SLC60A2: variants seen among roughly 807,000 people sequenced by gnomAD.
SLC60A2 encodes solute carrier family 60 member 2.
At chr6:111,265,292 G>A in the SLC60A2 span, 2 of 982,176 alleles carry the variant, frequency 2.0e-6, no homozygotes, top group South Asian at 4.7e-5. Flanking sequence ...AGCTCAAGAT[G>A]TGCTGCTTCT....
the SLC60A2 span, among the ~76,000 whole-genome samples, chr6:111,263,608 C>T: frequency 4.6e-5 from 7 of 152,092 alleles, no homozygotes; most frequent in African/African-American, 1.7e-4. Flanking sequence ...TGATTACTAG[C>T]AGTGCTTTAA....
chr6:111,265,933 C>T, the SLC60A2 span: 1 of 1,614,090 alleles, frequency 6.2e-7, no homozygotes, highest in Non-Finnish European at 8.5e-7. Context: ...CATATGCAGG[C>T]CTTACACTTC....
At chr6:111,272,203 A>T in the SLC60A2 span, among the ~76,000 whole-genome samples, 280 of 152,018 alleles carry the variant, frequency 1.8e-3, 1 homozygote, top group African/African-American at 6.6e-3. Context: ...GGGTTTTGCC[A>T]TGTTGGCCAG....
chr6:111,259,389 C>G, the SLC60A2 span: 8 of 373,816 alleles, frequency 2.1e-5, no homozygotes, highest in East Asian at 1.2e-4. Flanking sequence ...CGAAGTTCCT[C>G]TTCTCTGCCC....
At chr6:111,275,423 T>TC in the SLC60A2 span, among the ~76,000 whole-genome samples, 63 of 149,978 alleles carry the variant, frequency 4.2e-4, no homozygotes, top group Non-Finnish European at 6.5e-4. Context: ...TTTTTTTTTT[T>TC]TTTTAATATG....
At chr6:111,259,770 G>A in the SLC60A2 span, 2 of 1,541,120 alleles carry the variant, frequency 1.3e-6, no homozygotes, top group Non-Finnish European at 1.8e-6. Context: ...GGGCGTTCGA[G>A]TCTTGCCTTC....
At chr6:111,265,483 C>G in the SLC60A2 span, 8 of 706,512 alleles carry the variant, frequency 1.1e-5, no homozygotes, top group Non-Finnish European at 1.2e-5. Context: ...GTACAGAAAG[C>G]TTTGGTAATT....
At chr6:111,272,824 T>C in the SLC60A2 span, among the ~76,000 whole-genome samples, 4 of 151,880 alleles carry the variant, frequency 2.6e-5, no homozygotes, top group African/African-American at 9.7e-5. Flanking sequence ...TATCTAACTG[T>C]ATATATATAT....
At chr6:111,262,970 C>T in the SLC60A2 span, among the ~76,000 whole-genome samples, 1 of 152,050 alleles carries the variant, frequency 6.6e-6, no homozygotes, top group African/African-American at 2.4e-5. Context: ...TCTCCTCTCC[C>T]TCTATTGCCC....
chr6:111,261,129 G>C, the SLC60A2 span, among the ~76,000 whole-genome samples: 48 of 152,248 alleles, frequency 3.2e-4, no homozygotes, highest in Non-Finnish European at 1.5e-4. Flanking sequence ...TCTGTACTTG[G>C]GCGTGTAATA....
the SLC60A2 span, chr6:111,266,762 A>G: frequency 6.2e-7 from 1 of 1,614,140 alleles, no homozygotes; most frequent in South Asian, 1.1e-5. Flanking sequence ...CTGGTATTTT[A>G]TTTCCTGTGC....
chr6:111,269,255 A>T, the SLC60A2 span: 2 of 152,290 alleles, frequency 1.3e-5, no homozygotes, highest in African/African-American at 4.8e-5. Context: ...GCTGGAGTGC[A>T]ATGACGTGAT....
the SLC60A2 span, among the ~76,000 whole-genome samples, chr6:111,274,276 A>G: frequency 6.6e-6 from 1 of 151,946 alleles, no homozygotes; most frequent in African/African-American, 2.4e-5. Flanking sequence ...GTCTCTTTTT[A>G]CAGTTTTGGA....
chr6:111,266,643 G>A, the SLC60A2 span: 1 of 1,614,140 alleles, frequency 6.2e-7, no homozygotes, highest in Non-Finnish European at 8.5e-7. Flanking sequence ...TTTTGTAATT[G>A]GTGCTTCCCT....
At chr6:111,259,689 T>C in the SLC60A2 span, 1 of 1,598,742 alleles carries the variant, frequency 6.3e-7, no homozygotes, top group Non-Finnish European at 8.5e-7. Context: ...GCTGCGGTGG[T>C]TCACCACCTT....
chr6:111,267,254 A>C, the SLC60A2 span: 3 of 792,626 alleles, frequency 3.8e-6, no homozygotes, highest in African/African-American at 1.7e-5. Flanking sequence ...AAATGCTAAA[A>C]ATTTTTGAAA....
chr6:111,269,261 G>T, the SLC60A2 span: 1 of 152,318 alleles, frequency 6.6e-6, no homozygotes, highest in African/African-American at 2.4e-5. Context: ...GTGCAATGAC[G>T]TGATCTCAGC....
the SLC60A2 span, chr6:111,268,365 T>C: frequency 6.6e-6 from 1 of 152,218 alleles, no homozygotes; most frequent in Non-Finnish European, 1.5e-5. Context: ...CGTTTAACAT[T>C]GTGACAAAGT....
At chr6:111,264,661 G>A in the SLC60A2 span, among the ~76,000 whole-genome samples, 12 of 151,934 alleles carry the variant, frequency 7.9e-5, no homozygotes, top group African/African-American at 2.4e-4. Flanking sequence ...GGTGGTGGGC[G>A]CCTGTAGTCC....
Sources: allele counts gnomAD v4.1 joint callset (sites outside exome capture counted in the v4.1 genomes callset), GRCh38; gene constraint gnomAD v4.1.1; transcripts MANE v1.5; gene names NCBI Gene and HGNC (gene_info 2026-07-23, HGNC 2026-07-21).